VPS13D: variants seen among roughly 807,000 people sequenced by gnomAD.
The protein encoded by VPS13D is intermembrane lipid transfer protein VPS13D.
A neutral mutation model predicts 461.9 loss-of-function variants in VPS13D; 187 were observed. That is an observed-to-expected ratio of 0.40 (90% CI 0.36 to 0.46). The LOEUF is 0.46. Among genes scored for constraint, VPS13D ranks in the 20% least tolerant of loss-of-function variants. VPS13D has a pLI of 0.60. For missense variants in VPS13D, 4,711 were observed against 5,364.9 expected, an observed-to-expected ratio of 0.88 and a Z score of 3.81; for synonymous variants, 1,951 against 1,986.3, an observed-to-expected ratio of 0.98 and a Z score of 0.47.
intron 60 of VPS13D, among the ~76,000 whole-genome samples, chr1:12,395,959 TAGTC>T (rs1314917922): frequency 7.4e-6 from 1 of 135,748 alleles, no homozygotes; most frequent in African/African-American, 2.9e-5. Context: ...AAATCTGTAT[TAGTC>T]AGGGTTCTCT....
chr1:12,426,709 C>T (rs1644928046), intron 65 of VPS13D, among the ~76,000 whole-genome samples: 1 of 151,960 alleles, frequency 6.6e-6, no homozygotes, highest in Non-Finnish European at 1.5e-5. Context: ...GTGTGTTATT[C>T]CTGAGAGTTT....
At chr1:12,441,748 T>C (rs1364706720) in intron 65 of VPS13D, among the ~76,000 whole-genome samples, 1 of 152,244 alleles carries the variant, frequency 6.6e-6, no homozygotes, top group African/African-American at 2.4e-5. Context: ...TCAATACCTT[T>C]CATCTGTTGT....
chr1:12,497,943 T>C (rs770231325), intron 68 of VPS13D, among the ~76,000 whole-genome samples: 51 of 152,228 alleles, frequency 3.4e-4, no homozygotes, highest in Non-Finnish European at 6.0e-4. Context: ...TTTTAAGGTT[T>C]TTCTCCTGTA....
At position 12,288,269 on chromosome 1, in the gene VPS13D, C is replaced by G. The variant is rs1642029206; in HGVS notation, c.5681C>G (p.Ala1894Gly). The change falls in exon 22 of 70, where the codon GCC becomes GGC. Residue 1894 changes from alanine to glycine, a missense_variant. Around this residue, in one of 3 missense-constraint regions of VPS13D, gnomAD observed 4,411 missense variants for 4,937.8 expected, o/e 0.89. Transcript: ENST00000620676. ...CTGAATAAGACCACCAGTGAGCTTG[C>G]CAAAGCAAATGTGTCCAAATTAGTA... ...LVLNKTTSEL[A>G]KANVSKLVAH... 2 of 1,613,862 alleles carry G rather than the reference C, an allele frequency of 1.2e-6. No homozygotes were observed. The highest frequency in any genetic ancestry group is 1.3e-5 in the African/African-American group (1 of 74,876).
At chr1:12,401,477 A>T (rs749718677) in intron 61 of VPS13D, 131 bp from the exon 62 acceptor site, 59 of 579,956 alleles carry the variant, frequency 1.0e-4, no homozygotes, top group Non-Finnish European at 5.1e-5. Flanking sequence ...TAACCCAGAA[A>T]TAATTTGGCA....
At chr1:12,385,446 A>C in intron 59 of VPS13D, 73 bp downstream of exon 59, 1 of 1,264,650 alleles carries the variant, frequency 7.9e-7, no homozygotes. Flanking sequence ...GGTATTTTAG[A>C]CCTTCTGTTT....
At chr1:12,230,727 C>T (rs1210276000) in intron 1 of VPS13D, among the ~76,000 whole-genome samples, 1 of 151,806 alleles carries the variant, frequency 6.6e-6, no homozygotes, top group African/African-American at 2.4e-5. Context: ...CCCAGCCACT[C>T]CTCCTAGGTG....
chr1:12,234,427 G>T (rs958125351), intron 2 of VPS13D, 64 bp downstream of exon 2: 11 of 1,366,400 alleles, frequency 8.1e-6, no homozygotes, highest in Admixed American at 3.7e-5. Flanking sequence ...TATTTTTTTT[G>T]TTGTCCTGAG....
At chr1:12,304,179 T>C (rs532032634) in intron 25 of VPS13D, among the ~76,000 whole-genome samples, 1 of 152,350 alleles carries the variant, frequency 6.6e-6, no homozygotes, top group South Asian at 2.1e-4. Context: ...TTTTGCCGCA[T>C]TTGACCTTGA....
intron 31 of VPS13D, among the ~76,000 whole-genome samples, chr1:12,318,800 T>C (rs1642956543): frequency 6.6e-6 from 1 of 152,270 alleles, no homozygotes; most frequent in Non-Finnish European, 1.5e-5. Context: ...ATGGCATTTG[T>C]TGACTAGCGA....
intron 67 of VPS13D, among the ~76,000 whole-genome samples, chr1:12,488,031 T>G (rs1252554365): frequency 6.6e-6 from 1 of 152,168 alleles, no homozygotes; most frequent in Non-Finnish European, 1.5e-5. Flanking sequence ...TGGGAGTGGG[T>G]CAGGTGAGTG....
chr1:12,467,808 T>A (rs943948111), intron 67 of VPS13D, among the ~76,000 whole-genome samples: 1 of 152,210 alleles, frequency 6.6e-6, no homozygotes, highest in African/African-American at 2.4e-5. Context: ...ACTTTTTTGG[T>A]CATGGTACAT....
At chr1:12,481,302 G>C (rs1197968564) in intron 67 of VPS13D, among the ~76,000 whole-genome samples, 3 of 152,188 alleles carry the variant, frequency 2.0e-5, no homozygotes, top group Non-Finnish European at 2.9e-5. Flanking sequence ...ACATAGTGTA[G>C]TGTGAGCCGT....
rs1176836909 is a variant in VPS13D at position 12,322,696 on chromosome 1, T to A, written c.7865T>A (p.Val2622Asp). 6.2e-7 allele frequency: 1 copy of A among 1,614,192 alleles called. No individual in the cohort carries two copies. The highest frequency in any genetic ancestry group is 8.5e-7 in the Non-Finnish European group (1 of 1,180,030). Residue 2622 changes from valine to aspartate, a missense_variant, in exon 34 of 70, where the codon GTT (valine) becomes GAT (aspartate). By Grantham distance (152) the Val-to-Asp change is radical. Transcript: ENST00000620676. ...VGTYLPGASRVGEEIREGTRH... is the reference protein window; with the variant it reads ...VGTYLPGASRDGEEIREGTRH... Reference sequence around the variant, plus strand: ...ACTTACCTTCCAGGTGCATCTCGCGTTGGAGAGGAAATCAGAGAAGGGACA... The same window carrying A: ...ACTTACCTTCCAGGTGCATCTCGCGATGGAGAGGAAATCAGAGAAGGGACA...
intron 65 of VPS13D, among the ~76,000 whole-genome samples, chr1:12,443,829 A>G (rs574314590): frequency 3.0e-4 from 45 of 150,792 alleles, no homozygotes; most frequent in Admixed American, 2.9e-3. Context: ...ATGGCAATGA[A>G]TTATCTCAGT....
In VPS13D at chr1:12,346,699, C is replaced by T. The variant is rs752289270; in HGVS notation, c.9069+47C>T. The T allele has an allele frequency of 1.8e-5, 28 of 1,531,534 alleles. No homozygotes were observed. The African/African-American group carries it at 3.6e-4, about 20-fold the overall frequency. The allele number at this position is 1,531,534 out of a possible 1,614,324, so 94.9% of individuals were successfully genotyped here. Reference sequence around the variant, plus strand: ...TCATTGTGTTTATTGCGTATATACACTGCACCTGAATCATGTGGATATACA... The same window carrying T: ...TCATTGTGTTTATTGCGTATATACATTGCACCTGAATCATGTGGATATACA... On this transcript the variant is annotated intron_variant, in intron 44 of 69. Coordinates refer to ENST00000620676, the MANE Select transcript of VPS13D (RefSeq NM_015378.4).
chr1:12,295,222 CAAAAA>C (rs112447551), intron 24 of VPS13D, among the ~76,000 whole-genome samples: 1 of 72,980 alleles, frequency 1.4e-5, no homozygotes, highest in Non-Finnish European at 3.4e-5. Context: ...CACCATGACT[CAAAAA>C]AAAAAAAAAA....
Position 12,379,450 on chromosome 1 carries a change from C to T in VPS13D, c.11082-38C>T, listed in dbSNP as rs201485772. 5.7e-5 allele frequency: 91 copies of T among 1,584,272 alleles called. No homozygotes were observed. In the African/African-American group the frequency reaches 6.9e-4, roughly 12 times the overall value. ...CCCTTCAGGCGTGAAACAGTTGACT[C>T]GGAGGTTTCATGGTTCATTGTGTAT... On this transcript the variant is annotated intron_variant, in intron 56 of 69. Transcript: ENST00000620676.
intron 25 of VPS13D, among the ~76,000 whole-genome samples, chr1:12,302,766 T>G (rs999322383): frequency 6.6e-6 from 1 of 152,166 alleles, no homozygotes; most frequent in African/African-American, 2.4e-5. Flanking sequence ...ACTTTTTTTT[T>G]TAAGTGTTTG....
Sources: gnomAD v4.1 joint callset for allele counts (sites outside exome capture counted in the v4.1 genomes callset) on GRCh38, gnomAD v4.1.1 for gene constraint, gnomAD v4.1.1 regional missense constraint, MANE v1.5 for transcripts, NCBI Gene and HGNC (gene_info 2026-07-23, HGNC 2026-07-21) for gene names.